Variants in COL23A1 observed in about 807,000 individuals in gnomAD.
COL23A1 encodes collagen type XXIII alpha 1 chain.
A neutral mutation model predicts 99.3 loss-of-function variants in COL23A1; 97 were observed. The observed-to-expected ratio is 0.98, with a 90% CI of 0.83 to 1.16. COL23A1 has a LOEUF of 1.16. COL23A1 is among the 50% of genes most tolerant of loss of function. COL23A1 has a pLI of 0.00. For missense variants in COL23A1, 762 were observed against 757.4 expected (o/e 1.01, Z -0.07); for synonymous variants, 320 against 308.2 (o/e 1.04, Z -0.40).
chr5:178,363,351 C>T (rs1762275292), intron 2 of COL23A1, among the ~76,000 whole-genome samples: 2 of 152,122 alleles, frequency 1.3e-5, no homozygotes, highest in Admixed American at 1.3e-4. Context: ...GACAGGATAG[C>T]CTAAGTGTAG....
At chr5:178,551,003 T>A (rs1189005539) in intron 2 of COL23A1, among the ~76,000 whole-genome samples, 2 of 152,118 alleles carry the variant, frequency 1.3e-5, no homozygotes, top group African/African-American at 4.8e-5. Context: ...AGCAAACCGC[T>A]TGATTCTGGA....
chr5:178,239,869 G>A (rs999945322), intron 27 of COL23A1, among the ~76,000 whole-genome samples: 8 of 134,444 alleles, frequency 6.0e-5, no homozygotes, highest in East Asian at 2.0e-4. Flanking sequence ...TGTCTGATGT[G>A]ACAGTGACTC....
chr5:178,300,211 G>A (rs1426934754), intron 3 of COL23A1, among the ~76,000 whole-genome samples: 2 of 151,576 alleles, frequency 1.3e-5, no homozygotes, highest in Non-Finnish European at 1.5e-5. Flanking sequence ...GATTACAGGC[G>A]TGTGCATGCC....
chr5:178,467,393 T>A (rs1209346354), intron 2 of COL23A1, among the ~76,000 whole-genome samples: 1 of 152,238 alleles, frequency 6.6e-6, no homozygotes, highest in Non-Finnish European at 1.5e-5. Context: ...TGGGCCACGC[T>A]AAGCTGGGGG....
chr5:178,488,944 G>C (rs1038958035), intron 2 of COL23A1, among the ~76,000 whole-genome samples: 1 of 152,214 alleles, frequency 6.6e-6, no homozygotes, highest in Non-Finnish European at 1.5e-5. Context: ...GCTCTCCAAC[G>C]GGTGCTTCAC....
At chr5:178,557,138 T>A (rs935915402) in intron 2 of COL23A1, among the ~76,000 whole-genome samples, 2 of 152,040 alleles carry the variant, frequency 1.3e-5, no homozygotes, top group Non-Finnish European at 1.5e-5. Context: ...CTGCAGGCAT[T>A]TTGGTGTTTC....
intron 19 of COL23A1, 44 bp downstream of exon 19, chr5:178,249,073 T>A (rs1400197247): frequency 1.6e-5 from 25 of 1,592,266 alleles, no homozygotes; most frequent in Non-Finnish European, 2.1e-5. Context: ...ACCTCAGGGC[T>A]TCCACACAGG....
intron 2 of COL23A1, among the ~76,000 whole-genome samples, chr5:178,409,555 C>T (rs1435838034): frequency 1.3e-5 from 2 of 152,074 alleles, no homozygotes; most frequent in Non-Finnish European, 2.9e-5. Context: ...GATAGTGTAC[C>T]AGAGTTACAT....
intron 2 of COL23A1, among the ~76,000 whole-genome samples, chr5:178,553,631 T>C (rs1344384113): frequency 1.3e-5 from 2 of 152,228 alleles, no homozygotes; most frequent in African/African-American, 2.4e-5. Context: ...GCCTGGTTAG[T>C]AACAAGTGCA....
At chr5:178,249,716 A>ACTCTCTCTCTCT (rs59946818) in intron 18 of COL23A1, among the ~76,000 whole-genome samples, 51 of 92,804 alleles carry the variant, frequency 5.5e-4, no homozygotes, top group African/African-American at 1.8e-3. Context: ...ACACACACAC[A>ACTCTCTCTCTCT]CTCTCTCTCT....
intron 1 of COL23A1, among the ~76,000 whole-genome samples, chr5:178,565,961 C>CAA (rs555054624): frequency 4.9e-4 from 48 of 98,386 alleles, no homozygotes; most frequent in Admixed American, 2.1e-3. Flanking sequence ...AAAAAAAATA[C>CAA]AAAAAAAAAA....
At chr5:178,424,386 C>T (rs889339523) in intron 2 of COL23A1, among the ~76,000 whole-genome samples, 14 of 152,340 alleles carry the variant, frequency 9.2e-5, no homozygotes, top group African/African-American at 3.1e-4. Context: ...CTGTGCTCTG[C>T]GGGACGCACA....
chr5:178,268,777 A>C (rs1477897834), intron 6 of COL23A1, 21 bp from the exon 7 acceptor site: 8 of 1,602,336 alleles, frequency 5.0e-6, no homozygotes, highest in Non-Finnish European at 6.8e-6. Context: ...AAAGTGGAGA[A>C]AGAACAGACC....
intron 2 of COL23A1, among the ~76,000 whole-genome samples, chr5:178,374,481 A>G (rs1762964695): frequency 6.6e-6 from 1 of 152,126 alleles, no homozygotes; most frequent in Non-Finnish European, 1.5e-5. Context: ...GTGCGGTTAA[A>G]ATCATGGGCT....
At chr5:178,304,505 C>CAAAAAAAAAAAAA (rs35806686) in intron 3 of COL23A1, among the ~76,000 whole-genome samples, 1 of 32,220 alleles carries the variant, frequency 3.1e-5, no homozygotes, top group African/African-American at 8.3e-5. Context: ...GCGACTGTCT[C>CAAAAAAAAAAAAA]AAAAAAAAAA....
intron 2 of COL23A1, among the ~76,000 whole-genome samples, chr5:178,425,378 C>T (rs185006896): frequency 0.066 from 10,023 of 151,510 alleles, 1,024 homozygotes; most frequent in East Asian, 0.49. Flanking sequence ...GCCGAGATCG[C>T]GCCACTGCAC....
chr5:178,282,703 G>A (rs189256836), intron 5 of COL23A1, among the ~76,000 whole-genome samples: 7 of 152,274 alleles, frequency 4.6e-5, no homozygotes, highest in South Asian at 2.1e-4. Context: ...GCATGAGTGC[G>A]CACCCAGCAA....
chr5:178,506,600 T>C (rs1304790205), intron 2 of COL23A1, among the ~76,000 whole-genome samples: 2 of 152,108 alleles, frequency 1.3e-5, no homozygotes, highest in Non-Finnish European at 2.9e-5. Flanking sequence ...CCTGACCATA[T>C]TAACGCAATT....
At chr5:178,257,959 G>A (rs1020352810) in intron 12 of COL23A1, among the ~76,000 whole-genome samples, 3 of 152,224 alleles carry the variant, frequency 2.0e-5, no homozygotes, top group African/African-American at 7.2e-5. Flanking sequence ...CAGCACTCTG[G>A]TAGGTCAAGG....
Sources: allele counts gnomAD v4.1 joint callset (sites outside exome capture counted in the v4.1 genomes callset), GRCh38; gene constraint gnomAD v4.1.1; transcripts MANE v1.5; gene names NCBI Gene and HGNC (gene_info 2026-07-23, HGNC 2026-07-21).